The following DLGAP5 variants were observed in gnomAD, a reference collection of about 807,000 sequenced individuals.
DLGAP5 encodes the protein disks large-associated protein 5.
In DLGAP5, 90 loss-of-function variants were observed where a neutral mutation model predicts 99.6. That is an observed-to-expected ratio of 0.90 (90% CI 0.76 to 1.08). The LOEUF is 1.08. Among genes scored for constraint, DLGAP5 ranks in the 50% least tolerant of loss-of-function variants. DLGAP5 has a pLI of 0.00. For synonymous variants in DLGAP5, 311 were observed against 321.3 expected, an observed-to-expected ratio of 0.97 and a Z score of 0.34; for missense variants, 1,036 against 983.5, an observed-to-expected ratio of 1.05 and a Z score of -0.71.
intron 7 of DLGAP5, among the ~76,000 whole-genome samples, chr14:55,178,210 TCACTG>T (rs540466843): frequency 2.2e-4 from 34 of 151,964 alleles, no homozygotes; most frequent in Non-Finnish European, 4.4e-4. Flanking sequence ...CGAGATCGTG[TCACTG>T]CACTTCAGCC....
chr14:55,173,572 CTATAGATATATGTTG>C (rs1363748462), intron 10 of DLGAP5, among the ~76,000 whole-genome samples: 2 of 149,082 alleles, frequency 1.3e-5, no homozygotes, highest in Non-Finnish European at 2.9e-5. Flanking sequence ...TTGTCTCTCT[CTATAGATATATGTTG>C]TCTCTCTCTC....
chr14:55,190,894 C>A (rs1883593279), intron 1 of DLGAP5, among the ~76,000 whole-genome samples: 1 of 152,148 alleles, frequency 6.6e-6, no homozygotes, highest in Non-Finnish European at 1.5e-5. Flanking sequence ...CTATCCACAG[C>A]AAGAGAAAGA....
chr14:55,172,197 T>A (rs1594675067), intron 10 of DLGAP5, among the ~76,000 whole-genome samples: 1 of 148,190 alleles, frequency 6.7e-6, no homozygotes, highest in Admixed American at 6.7e-5. Flanking sequence ...AAAAAAAAAA[T>A]TTAGGGCCAG....
In DLGAP5 at chr14:55,189,071, T is replaced by A. The variant is rs758361709; in HGVS notation, c.109A>T (p.Lys37Ter). Residue 37 changes from lysine to a stop codon, truncating the protein, a stop_gained, in exon 2 of 19, where the codon AAG becomes TAG. Coordinates refer to ENST00000247191, the MANE Select transcript of DLGAP5 (RefSeq NM_014750.5). LOFTEE classifies it high-confidence loss of function. ...KSLSQKENRH[K>*]EYERNRHFGL... ...AAGTGTCTATTTCGTTCGTATTCCT[T>A]ATGTCTATTTTCTTTCTGAGACAGT... 13 of 1,613,916 alleles carry A rather than the reference T, an allele frequency of 8.1e-6. No homozygotes were observed. The highest frequency in any genetic ancestry group is 1.0e-5 in the Non-Finnish European group (12 of 1,179,964).
chr14:55,177,349 T>A lies in DLGAP5; in HGVS notation c.775-13A>T. On this transcript the variant is annotated splice_polypyrimidine_tract_variant and intron_variant, in intron 7 of 18. Transcript: ENST00000247191. The stretch of plus-strand genomic sequence containing the variant: ...TACAAGAAATACCCTAGGATGTGAG[T>A]TAACAAAGTAGAGTAAGATTTCTCT... The A allele has an allele frequency of 1.9e-6, 3 of 1,564,912 alleles. No homozygotes were observed. Among genetic ancestry groups the A allele is most frequent in the Non-Finnish European group, 2.6e-6 (3 of 1,161,456 alleles).
chr14:55,189,878 T>C (rs917749135), intron 1 of DLGAP5, among the ~76,000 whole-genome samples: 3 of 152,092 alleles, frequency 2.0e-5, no homozygotes, highest in African/African-American at 7.2e-5. Flanking sequence ...CTTCAGCTCC[T>C]CTCCCCTCCC....
At chr14:55,151,598 G>T in intron 17 of DLGAP5, 97 bp downstream of exon 17, 1 of 1,247,680 alleles carries the variant, frequency 8.0e-7, no homozygotes. Context: ...TCAATAGTTA[G>T]ATCTAATGTA....
intron 13 of DLGAP5, among the ~76,000 whole-genome samples, chr14:55,162,193 T>A (rs932112432): frequency 1.3e-5 from 2 of 152,202 alleles, no homozygotes; most frequent in African/African-American, 2.4e-5. Context: ...AATAACAGCA[T>A]CCATTTCATA....
intron 2 of DLGAP5, among the ~76,000 whole-genome samples, chr14:55,184,207 C>T (rs1294748948): frequency 6.6e-6 from 1 of 152,066 alleles, no homozygotes; most frequent in Admixed American, 6.6e-5. Context: ...CCTGTAGTCC[C>T]ATCTACTGGG....
intron 18 of DLGAP5, among the ~76,000 whole-genome samples, chr14:55,149,376 T>G (rs1300247723): frequency 6.6e-6 from 1 of 152,164 alleles, no homozygotes; most frequent in African/African-American, 2.4e-5. Flanking sequence ...GAATGGTACG[T>G]GGGTCACAGT....
At chr14:55,173,361 G>C (rs1487187353) in intron 10 of DLGAP5, among the ~76,000 whole-genome samples, 2 of 151,506 alleles carry the variant, frequency 1.3e-5, no homozygotes, top group Admixed American at 6.6e-5. Flanking sequence ...AGGACAGAGA[G>C]GCTGCGGTGA....
chr14:55,186,107 C>T (rs143843385), intron 2 of DLGAP5, among the ~76,000 whole-genome samples: 1,574 of 152,176 alleles, frequency 0.01, 29 homozygotes, highest in African/African-American at 0.036. Flanking sequence ...CCTGTCTCTA[C>T]TAAAAATACA....
intron 14 of DLGAP5, among the ~76,000 whole-genome samples, chr14:55,156,756 T>C (rs12101159): frequency 0.02 from 3,028 of 152,196 alleles, 80 homozygotes; most frequent in African/African-American, 0.069. Context: ...ATACTGTCTA[T>C]AGTGGATGAA....
intron 14 of DLGAP5, 114 bp downstream of exon 14, chr14:55,158,408 T>C (rs12882439): frequency 4.9e-6 from 4 of 812,362 alleles, no homozygotes. Context: ...AAAACTTATG[T>C]CTCTTCATGT....
At chr14:55,161,829 A>G (rs1882448293) in intron 13 of DLGAP5, among the ~76,000 whole-genome samples, 1 of 134,710 alleles carries the variant, frequency 7.4e-6, no homozygotes, top group Non-Finnish European at 1.5e-5. Context: ...AACCAAGGTC[A>G]CGCCACTGCA....
In DLGAP5 at chr14:55,148,726, A is replaced by C. The variant is rs968786616; in HGVS notation, c.2419-253T>G. 9 of 567,532 alleles carry C rather than the reference A, an allele frequency of 1.6e-5. No individual in the cohort carries two copies. In the African/African-American group the frequency reaches 1.7e-4, roughly 11 times the overall value. 35.2% of individuals were successfully genotyped at this position (567,532 alleles called of 1,614,324 possible). A position where few individuals can be genotyped will look rare whatever the true frequency, so the allele number is the denominator to read the frequency against. ...CAAGAAACACGTAAACATTTTCCCTATATAACAATAAAATTATAAACAACA... is the reference window on the plus strand; with the variant it reads ...CAAGAAACACGTAAACATTTTCCCTCTATAACAATAAAATTATAAACAACA... On this transcript the variant is annotated intron_variant, in intron 18 of 18. Coordinates refer to ENST00000247191, the MANE Select transcript of DLGAP5 (RefSeq NM_014750.5).
intron 13 of DLGAP5, 64 bp from the exon 14 acceptor site, chr14:55,158,805 A>T (rs1882305310): frequency 8.6e-7 from 1 of 1,162,906 alleles, no homozygotes; most frequent in Admixed American, 2.2e-5. Flanking sequence ...ACACACAACA[A>T]ACACAAATTC....
At chr14:55,149,824 G>GA (rs1491030167) in intron 18 of DLGAP5, among the ~76,000 whole-genome samples, 1 of 121,066 alleles carries the variant, frequency 8.3e-6, no homozygotes, top group East Asian at 2.9e-4. Context: ...GCGGGGGGGG[G>GA]GCATCACCTG....
intron 13 of DLGAP5, among the ~76,000 whole-genome samples, chr14:55,160,647 T>C (rs1284273149): frequency 6.6e-6 from 1 of 151,718 alleles, no homozygotes; most frequent in Non-Finnish European, 1.5e-5. Flanking sequence ...GGGTACACCA[T>C]GCTGGCCAGG....
Sources: gnomAD v4.1 joint callset for allele counts (sites outside exome capture counted in the v4.1 genomes callset) on GRCh38, gnomAD v4.1.1 for gene constraint, MANE v1.5 for transcripts, NCBI Gene and HGNC (gene_info 2026-07-23, HGNC 2026-07-21) for gene names.